The following AUTS2 variants were observed in gnomAD, a reference collection of about 807,000 sequenced individuals.
AUTS2 encodes the protein activator of transcription and developmental regulator AUTS2.
AUTS2 carries 17 observed loss-of-function variants against 112.4 expected under a neutral mutation model. That is an observed-to-expected ratio of 0.15 (90% CI 0.10 to 0.23). The LOEUF is 0.23. AUTS2 is among the 10% of genes least tolerant of loss of function. AUTS2 has a pLI of 1.00. For missense variants in AUTS2, 1,510 were observed against 1,701.6 expected, an observed-to-expected ratio of 0.89 and a Z score of 1.98; for synonymous variants, 751 against 702.7, an observed-to-expected ratio of 1.07 and a Z score of -1.09.
intron 1 of AUTS2, among the ~76,000 whole-genome samples, chr7:69,848,590 A>G (rs1028848671): frequency 2.6e-5 from 4 of 152,202 alleles, no homozygotes; most frequent in African/African-American, 9.6e-5. Context: ...AACCAAAGCC[A>G]TATGAATTAG....
chr7:70,396,440 G>T (rs1031052119), intron 4 of AUTS2, among the ~76,000 whole-genome samples: 1 of 150,952 alleles, frequency 6.6e-6, no homozygotes, highest in African/African-American at 2.4e-5. Context: ...ACAGTGGCAC[G>T]ATCTCAGCTC....
intron 6 of AUTS2, among the ~76,000 whole-genome samples, chr7:70,743,297 A>T (rs1788229108): frequency 6.6e-6 from 1 of 151,982 alleles, no homozygotes; most frequent in Non-Finnish European, 1.5e-5. Context: ...ATGAAACCCC[A>T]TCTCTACCAA....
intron 5 of AUTS2, among the ~76,000 whole-genome samples, chr7:70,467,537 A>G (rs2115774339): frequency 6.6e-6 from 1 of 152,348 alleles, no homozygotes; most frequent in Middle Eastern, 3.4e-3. Flanking sequence ...TATAACTGTT[A>G]GTGTTTATTG....
intron 2 of AUTS2, among the ~76,000 whole-genome samples, chr7:70,092,719 C>T (rs1803983613): frequency 1.3e-5 from 2 of 152,136 alleles, no homozygotes; most frequent in Admixed American, 6.5e-5. Flanking sequence ...AGCATGAGGT[C>T]GAACAGCAGA....
chr7:70,785,456 G>A (rs550101579), intron 16 of AUTS2: 1 of 472,958 alleles, frequency 2.1e-6, no homozygotes, highest in East Asian at 6.6e-5. Context: ...CGATAAATGA[G>A]TCTCTTCCTA....
At chr7:70,760,264 C>A (rs185414236) in intron 6 of AUTS2, among the ~76,000 whole-genome samples, 2,704 of 152,320 alleles carry the variant, frequency 0.018, 73 homozygotes, top group African/African-American at 0.061. Flanking sequence ...CTTGGCCTCC[C>A]AAAGTGCTGG....
intron 4 of AUTS2, among the ~76,000 whole-genome samples, chr7:70,415,893 G>A (rs1235115797): frequency 3.3e-5 from 5 of 152,174 alleles, no homozygotes; most frequent in African/African-American, 4.8e-5. Context: ...CTCACACAGC[G>A]CCGACAGCTG....
At chr7:69,799,436 C>A (rs967197871) in intron 1 of AUTS2, among the ~76,000 whole-genome samples, 15 of 152,222 alleles carry the variant, frequency 9.9e-5, no homozygotes, top group Non-Finnish European at 1.8e-4. Flanking sequence ...CATTTTAAAC[C>A]AGAGGCAAGT....
In AUTS2 at chr7:69,815,356, G is replaced by A. The variant is rs555669718; in HGVS notation, c.310-83930G>A. On this transcript the variant is annotated intron_variant, in intron 1 of 18. Coordinates refer to ENST00000342771, the MANE Select transcript of AUTS2 (RefSeq NM_015570.4). ...TATATATCTATATCTCCTTAAGAGGGAGTTTCATAAGTTCAAAAGTTGTCA... is the reference window on the plus strand; with the variant it reads ...TATATATCTATATCTCCTTAAGAGGAAGTTTCATAAGTTCAAAAGTTGTCA... Among the ~76,000 whole-genome samples the A allele has an allele frequency of 3.3e-5, 5 of 152,152 alleles. No homozygotes were observed. In the South Asian group the frequency reaches 6.2e-4, roughly 19 times the overall value.
chr7:69,838,612 A>G (rs1016511328), intron 1 of AUTS2, among the ~76,000 whole-genome samples: 6 of 152,218 alleles, frequency 3.9e-5, no homozygotes, highest in African/African-American at 1.4e-4. Flanking sequence ...GGAATAGTCC[A>G]GGACCCAAAT....
intron 4 of AUTS2, among the ~76,000 whole-genome samples, chr7:70,278,626 T>TAC (rs1562844653): frequency 3.7e-4 from 53 of 144,354 alleles, no homozygotes; most frequent in Admixed American, 3.0e-3. Context: ...TACATACATA[T>TAC]GTACATGCAT....
chr7:70,728,778 C>T (rs1787185730), intron 6 of AUTS2, among the ~76,000 whole-genome samples: 1 of 151,382 alleles, frequency 6.6e-6, no homozygotes, highest in Admixed American at 6.6e-5. Context: ...GACCATTTTC[C>T]CAATTGGTGA....
At chr7:69,710,049 T>C (rs1348535871) in intron 1 of AUTS2, among the ~76,000 whole-genome samples, 1 of 152,226 alleles carries the variant, frequency 6.6e-6, no homozygotes, top group Admixed American at 6.5e-5. Context: ...GGGAGACTCT[T>C]TTTTGATGGC....
chr7:70,066,020 G>C (rs1802474011), intron 2 of AUTS2, among the ~76,000 whole-genome samples: 1 of 152,126 alleles, frequency 6.6e-6, no homozygotes, highest in African/African-American at 2.4e-5. Context: ...AGAAATTAAG[G>C]CTTATAAGAT....
At chr7:70,551,507 T>A (rs550499829) in intron 5 of AUTS2, among the ~76,000 whole-genome samples, 43 of 152,230 alleles carry the variant, frequency 2.8e-4, no homozygotes, top group South Asian at 1.7e-3. Flanking sequence ...ATCAGACAAG[T>A]TTCAGTAGGG....
In AUTS2 at chr7:70,756,262, ATTAC is replaced by A. The variant is rs1383736637; in HGVS notation, c.743-6600_743-6597del. Among the ~76,000 whole-genome samples the A allele has an allele frequency of 1.4e-4, 22 of 152,306 alleles. No individual in the cohort carries two copies. In the East Asian group the frequency reaches 3.9e-3, roughly 27 times the overall value. ...ACAATAGTTTTGGGAATATTGATTGATTACTTACTTATTATGTGTTGTGCATTGT... is the reference window on the plus strand; with the variant it reads ...ACAATAGTTTTGGGAATATTGATTGATTACTTATTATGTGTTGTGCATTGT... On this transcript the variant is annotated intron_variant, in intron 6 of 18. Transcript: ENST00000342771.
chr7:70,038,793 C>T (rs576702078), intron 2 of AUTS2, among the ~76,000 whole-genome samples: 10 of 152,110 alleles, frequency 6.6e-5, no homozygotes, highest in South Asian at 2.1e-4. Flanking sequence ...ATTTTTGAAA[C>T]GGAGTCTCAC....
chr7:70,770,911 CCATT>C (rs1790295641), intron 10 of AUTS2, among the ~76,000 whole-genome samples: 1 of 152,180 alleles, frequency 6.6e-6, no homozygotes, highest in Non-Finnish European at 1.5e-5. Context: ...ATTGGCAGCT[CCATT>C]TAAAGTATAC....
At chr7:70,239,270 G>A (rs1441519965) in intron 4 of AUTS2, among the ~76,000 whole-genome samples, 1 of 151,980 alleles carries the variant, frequency 6.6e-6, no homozygotes, top group Admixed American at 6.6e-5. Context: ...TCCTTTCCCA[G>A]GCCCTACTAC....
Sources: allele counts gnomAD v4.1 joint callset (sites outside exome capture counted in the v4.1 genomes callset), GRCh38; gene constraint gnomAD v4.1.1; transcripts MANE v1.5; gene names NCBI Gene and HGNC (gene_info 2026-07-23, HGNC 2026-07-21).